Variants in YWHAE observed in about 807,000 individuals in gnomAD.
YWHAE encodes the protein tyrosine 3-monooxygenase/tryptophan 5-monooxygenase activation protein epsilon.
In YWHAE, 4 loss-of-function variants were observed where a neutral mutation model predicts 30.1. The ratio of observed to expected loss-of-function variants is 0.13; its 90% confidence interval spans 0.07 to 0.30. YWHAE has a LOEUF of 0.30. Among genes scored for constraint, YWHAE ranks in the 10% least tolerant of loss-of-function variants. The pLI is 1.00. For missense variants in YWHAE, 121 were observed against 315.9 expected (o/e 0.38, Z 4.68); for synonymous variants, 118 against 111.8 (o/e 1.06, Z -0.35).
chr17:1,377,074 C>G (rs749899806), intron 1 of YWHAE, among the ~76,000 whole-genome samples: 1 of 151,914 alleles, frequency 6.6e-6, no homozygotes, highest in Non-Finnish European at 1.5e-5. Context: ...CCAACGTGCA[C>G]GGCTAATTTT....
intron 1 of YWHAE, among the ~76,000 whole-genome samples, chr17:1,373,705 T>G (rs942186112): frequency 1.3e-5 from 2 of 150,854 alleles, no homozygotes; most frequent in Non-Finnish European, 3.0e-5. Context: ...CTGCACAAGG[T>G]ACCAAAATGT....
At chr17:1,391,806 C>CA (rs368843553) in intron 1 of YWHAE, among the ~76,000 whole-genome samples, 6 of 150,816 alleles carry the variant, frequency 4.0e-5, no homozygotes, top group Non-Finnish European at 7.4e-5. Context: ...CCCGTCTCCA[C>CA]AAAAAAAAAG....
chr17:1,356,600 G>C (rs1163803982), intron 4 of YWHAE, among the ~76,000 whole-genome samples: 1 of 152,190 alleles, frequency 6.6e-6, no homozygotes, highest in Admixed American at 6.5e-5. Context: ...ACCAGTATTA[G>C]CTAAATAGCC....
chr17:1,396,280 A>T (rs1318634697), intron 1 of YWHAE, among the ~76,000 whole-genome samples: 1 of 149,114 alleles, frequency 6.7e-6, no homozygotes, highest in Non-Finnish European at 1.5e-5. Context: ...CAAAATTAGC[A>T]TGGCATGGTG....
chr17:1,351,311 T>C (rs1017185467), intron 5 of YWHAE, among the ~76,000 whole-genome samples: 5 of 151,320 alleles, frequency 3.3e-5, no homozygotes, highest in Admixed American at 3.3e-4. Flanking sequence ...CCAGGAGATG[T>C]AGGTTGCAGT....
Position 1,393,140 on chromosome 17 carries a change from AAATAAATAAATAAAT to A in YWHAE, c.64+6892_64+6906del, listed in dbSNP as rs894994072. ...GCAAGACTCCATCTCTCCAAAAAAT[AAATAAATAAATAAAT>A]AAATAAATAAATAAATAAAATTTAA... On this transcript the variant is annotated intron_variant, in intron 1 of 5. Coordinates refer to ENST00000264335, the MANE Select transcript of YWHAE (RefSeq NM_006761.5). Among the ~76,000 whole-genome samples, 4 of 14,322 alleles carry A rather than the reference AAATAAATAAATAAAT, an allele frequency of 2.8e-4. No homozygotes were observed. The African/African-American group carries it at 9.9e-3, about 35-fold the overall frequency. 9.4% of individuals were successfully genotyped at this position (14,322 alleles called of 152,430 possible).
chr17:1,352,683 G>A (rs949798257), intron 5 of YWHAE, among the ~76,000 whole-genome samples: 4 of 152,024 alleles, frequency 2.6e-5, no homozygotes, highest in East Asian at 3.9e-4. Flanking sequence ...CCGCCACCAC[G>A]CCCAGCCAAT....
At chr17:1,384,065 G>A (rs940807715) in intron 1 of YWHAE, among the ~76,000 whole-genome samples, 2 of 152,068 alleles carry the variant, frequency 1.3e-5, no homozygotes, top group Non-Finnish European at 1.5e-5. Flanking sequence ...AATTAGCCAC[G>A]CGTTAAGCAG....
chr17:1,378,702 T>G (rs1025683615), intron 1 of YWHAE, among the ~76,000 whole-genome samples: 2 of 152,194 alleles, frequency 1.3e-5, no homozygotes, highest in African/African-American at 4.8e-5. Flanking sequence ...CCCAGCACTT[T>G]GAGAGGCCAA....
intron 1 of YWHAE, among the ~76,000 whole-genome samples, chr17:1,388,110 TTTGGTTG>T (rs1214294387): frequency 4.4e-5 from 2 of 45,506 alleles, no homozygotes; most frequent in African/African-American, 1.3e-4. Context: ...TGTTTTTTTT[TTTGGTTG>T]GTTTTTTTTT....
At position 1,400,214 on chromosome 17, in the gene YWHAE, C is replaced by A; in HGVS notation, c.-104G>T. 1.4e-6 allele frequency: 2 copies of A among 1,391,030 alleles called. No homozygotes were observed. Among genetic ancestry groups the A allele is most frequent in the Non-Finnish European group, 2.0e-6 (2 of 988,166 alleles). The allele number at this position is 1,391,030 out of a possible 1,614,324, so 86.2% of individuals were successfully genotyped here. A position where few individuals can be genotyped will look rare whatever the true frequency, so the allele number is the denominator to read the frequency against. On this transcript the variant is annotated 5_prime_UTR_variant, in exon 1 of 6. Transcript: ENST00000264335. Reference sequence around the variant, plus strand: ...CGTCCGGGCAGCAAAAATGGCGGCGCCTCAATCCGGGACTTCCGCCTGCGC... The same window carrying A: ...CGTCCGGGCAGCAAAAATGGCGGCGACTCAATCCGGGACTTCCGCCTGCGC...
chr17:1,360,972 C>T, intron 4 of YWHAE, 120 bp downstream of exon 4: 1 of 883,042 alleles, frequency 1.1e-6, no homozygotes. Context: ...TCAGTAAGAG[C>T]CAAAAGAATT....
intron 3 of YWHAE, 135 bp from the exon 4 acceptor site, chr17:1,361,433 A>G: frequency 3.1e-6 from 2 of 642,308 alleles, no homozygotes; most frequent in Admixed American, 3.7e-5. Flanking sequence ...GTACTTCAAT[A>G]ATTTTAAACA....
intron 1 of YWHAE, among the ~76,000 whole-genome samples, chr17:1,375,461 T>C (rs2073107993): frequency 6.6e-6 from 1 of 152,150 alleles, no homozygotes; most frequent in Non-Finnish European, 1.5e-5. Context: ...AAGGCTGTCA[T>C]GTGTTTGCAG....
At chr17:1,381,116 G>A (rs1472244898) in intron 1 of YWHAE, among the ~76,000 whole-genome samples, 1 of 152,306 alleles carries the variant, frequency 6.6e-6, no homozygotes, top group East Asian at 1.9e-4. Context: ...TGGGCGCAGT[G>A]GCTCACGTCT....
intron 4 of YWHAE, among the ~76,000 whole-genome samples, chr17:1,355,080 G>A (rs1332467064): frequency 9.4e-6 from 1 of 105,934 alleles, no homozygotes; most frequent in African/African-American, 3.6e-5. Flanking sequence ...TGAGTGGCTG[G>A]GACAAACGGT....
At chr17:1,374,320 A>G (rs200481356) in intron 1 of YWHAE, among the ~76,000 whole-genome samples, 1 of 12,952 alleles carries the variant, frequency 7.7e-5, no homozygotes, top group Non-Finnish European at 1.4e-4. Flanking sequence ...TGGTCTCAGG[A>G]AAAAAAAAAA....
At chr17:1,361,041 C>CGGG (rs1567963355) in intron 4 of YWHAE, 51 bp downstream of exon 4, 4 of 1,536,474 alleles carry the variant, frequency 2.6e-6, no homozygotes, top group Non-Finnish European at 3.6e-6. Flanking sequence ...ACCCAAACAG[C>CGGG]GCCCCCCTTA....
chr17:1,373,135 C>T (rs1166000323), intron 1 of YWHAE, among the ~76,000 whole-genome samples: 4 of 151,816 alleles, frequency 2.6e-5, no homozygotes, highest in Non-Finnish European at 4.4e-5. Flanking sequence ...CCCAGCTACT[C>T]GGGACGCTGA....
Sources: allele counts gnomAD v4.1 joint callset (sites outside exome capture counted in the v4.1 genomes callset), GRCh38; gene constraint gnomAD v4.1.1; transcripts MANE v1.5; gene names NCBI Gene and HGNC (gene_info 2026-07-23, HGNC 2026-07-21).